The following SEC22B variants were observed in gnomAD, a reference collection of about 807,000 sequenced individuals.
SEC22B encodes the protein SEC22 homolog B, vesicle trafficking protein, also known as vesicle-trafficking protein SEC22b.
SEC22B carries 10 observed loss-of-function variants against 31.4 expected under a neutral mutation model. That is an observed-to-expected ratio of 0.32 (90% confidence interval 0.20 to 0.54). The LOEUF is 0.54. SEC22B is among the 20% of genes least tolerant of loss of function. The probability of loss-of-function intolerance (pLI) is 0.94; values close to 1 mark genes in which losing one functional copy is unlikely to be tolerated. For synonymous variants in SEC22B, 60 were observed against 95.9 expected (o/e 0.63, Z 2.19); for missense variants, 130 against 263.4 (o/e 0.49, Z 3.50).
rs1657967666 is a variant in SEC22B at position 120,176,464 on chromosome 1, C to A, written c.-83G>T. Reference sequence around the variant, plus strand: ...TTCCTCCGCCGCGACAACAGTTATACCCTATGTCTCAGTTACCGGAGATCC... The same window carrying A: ...TTCCTCCGCCGCGACAACAGTTATAACCTATGTCTCAGTTACCGGAGATCC... On this transcript the variant is annotated 5_prime_UTR_variant, in exon 1 of 5. Transcript: ENST00000578049. 1 of 1,232,522 alleles carries A rather than the reference C, an allele frequency of 8.1e-7. No homozygotes were observed. Among genetic ancestry groups the A allele is most frequent in the Non-Finnish European group, 1.2e-6 (1 of 856,816 alleles). The allele number at this position is 1,232,522 out of a possible 1,614,324, so 76.3% of individuals were successfully genotyped here. A position where few individuals can be genotyped will look rare whatever the true frequency, so the allele number is the denominator to read the frequency against.
Position 120,151,983 on chromosome 1 carries a change from G to A in SEC22B, c.*5055C>T, listed in dbSNP as rs1291120506. ...AAATATAAGAAGCAGCACAGGTTTG[G>A]TTTTATCTTTGAGAACAATGGAGTG... On this transcript the variant is annotated 3_prime_UTR_variant, in exon 5 of 5. Coordinates refer to ENST00000578049, the MANE Select transcript of SEC22B (RefSeq NM_004892.6). 1 of 152,086 alleles carries A rather than the reference G, an allele frequency of 6.6e-6. No individual in the cohort carries two copies. The highest frequency in any genetic ancestry group is 1.5e-5 in the Non-Finnish European group (1 of 68,080). The allele number at this position is 152,086 out of a possible 1,614,324, so 9.4% of individuals were successfully genotyped here.
chr1:120,163,757 G>T (rs1254124662), intron 2 of SEC22B, among the ~76,000 whole-genome samples: 2 of 150,904 alleles, frequency 1.3e-5, no homozygotes, highest in Non-Finnish European at 2.9e-5. Context: ...TGTATTTTTA[G>T]TAGAGACGGG....
At chr1:120,168,170 T>C (rs1657841966) in intron 2 of SEC22B, among the ~76,000 whole-genome samples, 2 of 152,066 alleles carry the variant, frequency 1.3e-5, no homozygotes, top group Non-Finnish European at 2.9e-5. Flanking sequence ...TTTCCTCTGA[T>C]GCTCTTGTAC....
chr1:120,160,644 C>T (rs1657700225), intron 3 of SEC22B, 114 bp from the exon 4 acceptor site: 3 of 700,498 alleles, frequency 4.3e-6, no homozygotes, highest in African/African-American at 1.8e-5. Flanking sequence ...AATCCCAGCA[C>T]TTTGGGAGGC....
intron 1 of SEC22B, among the ~76,000 whole-genome samples, chr1:120,175,792 G>A (rs1400216780): frequency 6.6e-6 from 1 of 152,118 alleles, no homozygotes; most frequent in African/African-American, 2.4e-5. Flanking sequence ...ATTGGAGAAG[G>A]TGGGAACTGG....
In SEC22B at chr1:120,152,715, T is replaced by C. The variant is rs1340942531; in HGVS notation, c.*4323A>G. 1 of 138,004 alleles carries C rather than the reference T, an allele frequency of 7.2e-6. No homozygotes were observed. Among genetic ancestry groups the C allele is most frequent in the Admixed American group, 6.8e-5 (1 of 14,750 alleles). 8.5% of individuals were successfully genotyped at this position (138,004 alleles called of 1,614,324 possible). On this transcript the variant is annotated 3_prime_UTR_variant, in exon 5 of 5. Transcript: ENST00000578049. ...AGTAAATTTAAAAAGTACGGAATAA[T>C]AAAAAGAAATTGCAAAAAATAACTT...
At position 120,151,522 on chromosome 1, in the gene SEC22B, CAGG is replaced by C. The variant is rs1657538600; in HGVS notation, c.*5513_*5515del. ...CTCTACTAAAAATACAAAAATTAGC[CAGG>C]AGCTGTGGCAGGTGCCTGTAATCCC... is the stretch of plus-strand genomic sequence containing the variant. On this transcript the variant is annotated 3_prime_UTR_variant, in exon 5 of 5. Coordinates refer to ENST00000578049, the MANE Select transcript of SEC22B (RefSeq NM_004892.6). 1 of 151,966 alleles carries C rather than the reference CAGG, an allele frequency of 6.6e-6. No homozygotes were observed. The highest frequency in any genetic ancestry group is 2.4e-5 in the African/African-American group (1 of 41,334). 9.4% of individuals were successfully genotyped at this position (151,966 alleles called of 1,614,324 possible).
chr1:120,160,296 C>T, intron 4 of SEC22B, 88 bp downstream of exon 4: 1 of 863,284 alleles, frequency 1.2e-6, no homozygotes, highest in Non-Finnish European at 1.8e-6. Flanking sequence ...TAGGTAGAAT[C>T]TAATAGCATA....
At chr1:120,168,435 C>T (rs1377755036) in intron 2 of SEC22B, among the ~76,000 whole-genome samples, 2 of 151,974 alleles carry the variant, frequency 1.3e-5, no homozygotes, top group African/African-American at 2.4e-5. Context: ...ACACAGATTC[C>T]CTCACAATCC....
intron 1 of SEC22B, 32 bp downstream of exon 1, chr1:120,176,275 T>G (rs1553230187): frequency 5.0e-6 from 8 of 1,599,196 alleles, no homozygotes; most frequent in African/African-American, 4.0e-5. Flanking sequence ...TGACAGAGAC[T>G]TGGGGTCGCG....
chr1:120,160,488 C>A lies in SEC22B; in HGVS notation c.389G>T (p.Arg130Leu). The A allele has an allele frequency of 6.2e-7, 1 of 1,606,460 alleles. No individual in the cohort carries two copies. Among genetic ancestry groups the A allele is most frequent in the South Asian group, 1.1e-5 (1 of 89,666 alleles). ...QKTKKLYIDS[R>L]ARRNLGSINT... is the part of the protein sequence containing the mutation. ...GATGGAGCCTAGATTTCTTCGAGCACGACTGTCAATGTAGAGCTTCTTGGT... is the reference window on the plus strand; with the variant it reads ...GATGGAGCCTAGATTTCTTCGAGCAAGACTGTCAATGTAGAGCTTCTTGGT... Residue 130 changes from arginine (R) to leucine (L), a missense_variant, in exon 4 of 5, where the codon CGT becomes CTT. By Grantham distance (102) the Arg-to-Leu change is moderately radical (BLOSUM62 -2). Coordinates refer to ENST00000578049, the MANE Select transcript of SEC22B (RefSeq NM_004892.6).
intron 3 of SEC22B, among the ~76,000 whole-genome samples, chr1:120,161,312 T>C (rs1377765646): frequency 1.3e-5 from 2 of 152,210 alleles, no homozygotes; most frequent in Non-Finnish European, 2.9e-5. Context: ...TTTTCTCTAA[T>C]ATACATTCCC....
Position 120,153,212 on chromosome 1 carries a change from G to A in SEC22B, c.*3826C>T, listed in dbSNP as rs1303510648. 1 of 149,818 alleles carries A rather than the reference G, an allele frequency of 6.7e-6. No individual in the cohort carries two copies. Among genetic ancestry groups the A allele is most frequent in the African/African-American group, 2.5e-5 (1 of 39,598 alleles). The allele number at this position is 149,818 out of a possible 1,614,324, so 9.3% of individuals were successfully genotyped here. A position where few individuals can be genotyped will look rare whatever the true frequency, so the allele number is the denominator to read the frequency against. ...AAACTCTGTCACACATACAATGACT[G>A]CTATTTACCTTCCTCCTGAGCCATC... On this transcript the variant is annotated 3_prime_UTR_variant, in exon 5 of 5. Transcript: ENST00000578049.
intron 2 of SEC22B, among the ~76,000 whole-genome samples, chr1:120,166,126 A>G (rs1657802564): frequency 1.3e-5 from 2 of 148,700 alleles, no homozygotes. Context: ...TTAAAAAGAC[A>G]AAAGTCAATA....
chr1:120,163,793 T>A (rs1657758606), intron 2 of SEC22B, among the ~76,000 whole-genome samples: 1 of 151,328 alleles, frequency 6.6e-6, no homozygotes, highest in Non-Finnish European at 1.5e-5. Context: ...TTGGCCAGGA[T>A]GGTCTTGATA....
intron 3 of SEC22B, among the ~76,000 whole-genome samples, chr1:120,160,748 G>A (rs1657702335): frequency 6.6e-6 from 1 of 152,026 alleles, no homozygotes; most frequent in Non-Finnish European, 1.5e-5. Context: ...AGTTAGCCAG[G>A]CGTGGCGGCA....
Position 120,163,323 on chromosome 1 carries a change from G to A in SEC22B, c.233C>T (p.Ala78Val). The A allele has an allele frequency of 1.9e-6, 3 of 1,607,502 alleles. No individual in the cohort carries two copies. The highest frequency in any genetic ancestry group is 1.1e-5 in the South Asian group (1 of 90,272). ...GGCAAAAGCCAACTTCTTAGGGAAG[G>A]CAGCTTCACATAAAACCAAATAACA... ...GVCYLVLCEA[A>V]FPKKLAFAYL... The change falls in exon 3 of 5, where the codon GCC becomes GTC. Residue 78 changes from alanine (A) to valine (V), a missense_variant. Coordinates refer to ENST00000578049, the MANE Select transcript of SEC22B (RefSeq NM_004892.6).
chr1:120,156,903 T>C lies in SEC22B; in HGVS notation c.*135A>G, dbSNP rs1437466165. On this transcript the variant is annotated 3_prime_UTR_variant, in exon 5 of 5. Coordinates refer to ENST00000578049, the MANE Select transcript of SEC22B (RefSeq NM_004892.6). ...GGTGCAACCTTTCATTTTCAGGGCATCTCTTTTCTTGCAAGGTCTTTAGAG... is the reference window on the plus strand; with the variant it reads ...GGTGCAACCTTTCATTTTCAGGGCACCTCTTTTCTTGCAAGGTCTTTAGAG... 1.4e-5 allele frequency: 8 copies of C among 559,220 alleles called. No individual in the cohort carries two copies. Among genetic ancestry groups the C allele is most frequent in the Non-Finnish European group, 1.9e-5 (7 of 364,224 alleles). The allele number at this position is 559,220 out of a possible 1,614,324, so 34.6% of individuals were successfully genotyped here. A position where few individuals can be genotyped will look rare whatever the true frequency, so the allele number is the denominator to read the frequency against.
Position 120,153,922 on chromosome 1 carries a change from AC to A in SEC22B, c.*3115del. ...CAAAGGTTTCTCAAAATGCTCAAGA[AC>A]CATTGTTAGATATTTAAATAACCAG... On this transcript the variant is annotated 3_prime_UTR_variant, in exon 5 of 5. Coordinates refer to ENST00000578049, the MANE Select transcript of SEC22B (RefSeq NM_004892.6). 1 of 151,716 alleles carries A rather than the reference AC, an allele frequency of 6.6e-6. No individual in the cohort carries two copies. The highest frequency in any genetic ancestry group is 2.1e-4 in the South Asian group (1 of 4,800). 9.4% of individuals were successfully genotyped at this position (151,716 alleles called of 1,614,324 possible). A position where few individuals can be genotyped will look rare whatever the true frequency, so the allele number is the denominator to read the frequency against.
Sources: allele counts gnomAD v4.1 joint callset (sites outside exome capture counted in the v4.1 genomes callset), GRCh38; gene constraint gnomAD v4.1.1; transcripts MANE v1.5; gene names NCBI Gene and HGNC (gene_info 2026-07-23, HGNC 2026-07-21).